HMMR: variants seen among roughly 807,000 people sequenced by gnomAD.
The protein encoded by HMMR is intracellular hyaluronic acid-binding protein.
In HMMR, 108 loss-of-function variants were observed where a neutral mutation model predicts 101.0. That is an observed-to-expected ratio of 1.07 (90% CI 0.92 to 1.25). The LOEUF (loss-of-function observed/expected upper bound fraction) is 1.25. Among genes scored for constraint, HMMR ranks in the 50% most tolerant of loss-of-function variants. HMMR has a pLI of 0.00. For missense variants in HMMR, 813 were observed against 788.7 expected (o/e 1.03, Z -0.37); for synonymous variants, 296 against 276.4 (o/e 1.07, Z -0.70).
At position 163,469,658 on chromosome 5, in the gene HMMR, G is replaced by T; in HGVS notation, c.291G>T (p.Gln97His). ...ILEKEIRVLL[Q>H]ERGAQDRRIQ... ...TTGTCCAGATTCGTGTTCTTCTACA[G>T]GAACGTGGTGCCCAGGACAGGCGGA... Residue 97 changes from glutamine (Q) to histidine (H), a missense_variant, in exon 5 of 18, where the codon CAG becomes CAT. By Grantham distance (24) the Gln-to-His change is conservative. Transcript: ENST00000393915. The T allele has an allele frequency of 6.2e-7, 1 of 1,612,630 alleles. No individual in the cohort carries two copies. Among genetic ancestry groups the T allele is most frequent in the Non-Finnish European group, 8.5e-7 (1 of 1,179,578 alleles).
intron 10 of HMMR, among the ~76,000 whole-genome samples, 166 bp downstream of exon 10, chr5:163,474,371 T>G (rs956867582): frequency 2.0e-5 from 3 of 152,050 alleles, no homozygotes; most frequent in Admixed American, 6.5e-5. Flanking sequence ...GCTACGTATT[T>G]TCACTACATG....
At position 163,483,008 on chromosome 5, in the gene HMMR, C is replaced by A; in HGVS notation, c.1533-12C>A. 6.4e-7 allele frequency: 1 copy of A among 1,574,134 alleles called. No individual in the cohort carries two copies. The highest frequency in any genetic ancestry group is 1.2e-5 in the South Asian group (1 of 83,544). ...TAAAATGTTTAGTGACCTCTTCTCT[C>A]TCAAACCAAAGGATGCTTCTAGATC... is the stretch of plus-strand genomic sequence containing the variant. On this transcript the variant is annotated splice_polypyrimidine_tract_variant and intron_variant, in intron 13 of 17. Coordinates refer to ENST00000393915, the MANE Select transcript of HMMR (RefSeq NM_001142556.2).
chr5:163,464,993 G>T, intron 3 of HMMR, 191 bp downstream of exon 3: 1 of 547,762 alleles, frequency 1.8e-6, no homozygotes, highest in Non-Finnish European at 3.2e-6. Flanking sequence ...GTTTAAATGT[G>T]CCCTTAGTTC....
intron 15 of HMMR, 131 bp downstream of exon 15, chr5:163,483,498 C>T (rs1759354482): frequency 5.5e-6 from 3 of 545,202 alleles, no homozygotes; most frequent in Non-Finnish European, 6.6e-6. Context: ...CAATTTAGCT[C>T]ACTATTAAAG....
In HMMR at chr5:163,478,687, G is replaced by T; in HGVS notation, c.1272G>T (p.Lys424Asn). 6.3e-7 allele frequency: 1 copy of T among 1,593,026 alleles called. No individual in the cohort carries two copies. Among genetic ancestry groups the T allele is most frequent in the Non-Finnish European group, 8.6e-7 (1 of 1,161,284 alleles). The change falls in exon 12 of 18, where the codon AAG becomes AAT. Residue 424 changes from lysine to asparagine, a missense_variant. Coordinates refer to ENST00000393915, the MANE Select transcript of HMMR (RefSeq NM_001142556.2). ...TTCAATTATTTCTTTTTCTTAGGAA[G>T]GAGGCTGAACTGGAGAAAAGTAGTG... ...LKLLEEKLKG[K>N]EAELEKSSAA...
intron 11 of HMMR, among the ~76,000 whole-genome samples, chr5:163,475,998 T>C (rs1054485107): frequency 2.6e-5 from 4 of 152,118 alleles, no homozygotes; most frequent in Non-Finnish European, 5.9e-5. Context: ...TGAAATTTAT[T>C]GAACATCAGC....
rs1180802537 is a variant in HMMR, at chr5:163,490,425, AAAAC to A, written c.2002_2005del (p.Gln668ValfsTer9). 32 of 1,593,976 alleles carry A rather than the reference AAAAC, an allele frequency of 2.0e-5. No individual in the cohort carries two copies. The highest frequency in any genetic ancestry group is 2.6e-5 in the Non-Finnish European group (30 of 1,172,892). The stretch of plus-strand genomic sequence containing the variant: ...AACTCCGCTGTCAGCTTGCTAAAAA[AAAAC>A]AAAGTGAGACAAAACTTCAAGAGGA... On this transcript the variant is annotated frameshift_variant, in exon 17 of 18. Transcript: ENST00000393915. LOFTEE classifies it high-confidence loss of function.
intron 2 of HMMR, 96 bp from the exon 3 acceptor site, chr5:163,464,626 CA>C (rs1758641706): frequency 1.4e-5 from 12 of 838,352 alleles, no homozygotes; most frequent in Middle Eastern, 3.4e-4. Flanking sequence ...CAAAAACAAA[CA>C]AAAAGAGAAA....
At chr5:163,485,411 C>T (rs1390296325) in intron 16 of HMMR, among the ~76,000 whole-genome samples, 1 of 152,160 alleles carries the variant, frequency 6.6e-6, no homozygotes, top group African/African-American at 2.4e-5. Context: ...ACTTAACTTG[C>T]ATTTTCTTAA....
intron 1 of HMMR, 137 bp downstream of exon 1, chr5:163,460,875 A>T (rs753086770): frequency 2.7e-6 from 2 of 740,388 alleles, no homozygotes; most frequent in Non-Finnish European, 2.4e-6. Context: ...ATTTTTCTCA[A>T]ATATGCTCTA....
At position 163,471,364 on chromosome 5, in the gene HMMR, G is replaced by A; in HGVS notation, c.551G>A (p.Gly184Asp). Residue 184 changes from glycine to aspartate, a missense_variant and splice_region_variant, in exon 7 of 18, where the codon GGT becomes GAT. Physicochemically the swap from Gly to Asp is moderately conservative, Grantham distance 94 (BLOSUM62 -1). Transcript: ENST00000393915. ...AAAACAGGTATCTTTGTTGTGTAGG[G>A]TATGATGGCTAAGCAAGAAGGCATG... ...LRNKRETKMR[G>D]MMAKQEGMEM... 6.2e-7 allele frequency: 1 copy of A among 1,613,832 alleles called. No individual in the cohort carries two copies. Among genetic ancestry groups the A allele is most frequent in the Non-Finnish European group, 8.5e-7 (1 of 1,179,778 alleles).
At chr5:163,469,497 A>AAT in intron 4 of HMMR, 144 bp from the exon 5 acceptor site, 1 of 643,444 alleles carries the variant, frequency 1.6e-6, no homozygotes, top group Middle Eastern at 3.0e-4. Flanking sequence ...TGATTATTCA[A>AAT]ATAGCTAGTA....
chr5:163,484,202 A>T lies in HMMR; in HGVS notation c.1919A>T (p.Lys640Met). The T allele has an allele frequency of 1.2e-6, 2 of 1,603,972 alleles. No individual in the cohort carries two copies. The highest frequency in any genetic ancestry group is 1.7e-6 in the Non-Finnish European group (2 of 1,175,888). ...CATCAGAATTTGAAACAAAAAATCAAGCATGTTGTGAAGTTGAAAGATGAA... is the reference window on the plus strand; with the variant it reads ...CATCAGAATTTGAAACAAAAAATCATGCATGTTGTGAAGTTGAAAGATGAA... ...LGHQNLKQKI[K>M]HVVKLKDENS... Residue 640 changes from lysine to methionine, a missense_variant, in exon 16 of 18, where the codon AAG becomes ATG. By Grantham distance (95) the Lys-to-Met change is moderately conservative (BLOSUM62 -1). Coordinates refer to ENST00000393915, the MANE Select transcript of HMMR (RefSeq NM_001142556.2).
At chr5:163,487,687 G>A (rs772672820) in intron 16 of HMMR, among the ~76,000 whole-genome samples, 7 of 151,464 alleles carry the variant, frequency 4.6e-5, no homozygotes, top group Non-Finnish European at 1.0e-4. Flanking sequence ...TGCCTAATTT[G>A]TTGGTATATA....
chr5:163,475,387 T>A (rs1033100503), intron 10 of HMMR, 71 bp from the exon 11 acceptor site: 4 of 783,352 alleles, frequency 5.1e-6, no homozygotes, highest in African/African-American at 3.5e-5. Flanking sequence ...TATCTGTACT[T>A]TTTTTTGTCT....
intron 4 of HMMR, 122 bp from the exon 5 acceptor site, chr5:163,469,519 T>A: frequency 1.4e-6 from 1 of 734,702 alleles, no homozygotes; most frequent in East Asian, 2.5e-5. Flanking sequence ...CATTAGAATA[T>A]CTACAAGCAT....
At chr5:163,478,175 C>T (rs1363250046) in intron 11 of HMMR, among the ~76,000 whole-genome samples, 2 of 152,072 alleles carry the variant, frequency 1.3e-5, no homozygotes, top group African/African-American at 2.4e-5. Context: ...TCTGTCTATG[C>T]AAAATAATCC....
chr5:163,468,567 A>G (rs299285), intron 4 of HMMR, among the ~76,000 whole-genome samples: 57,024 of 152,062 alleles, frequency 0.38, 11,442 homozygotes, highest in East Asian at 0.55. Context: ...GTTGGCTTTC[A>G]ACCAAGAGTA....
In HMMR at chr5:163,460,632, A is replaced by G; in HGVS notation, c.-61A>G. 3.4e-6 allele frequency: 5 copies of G among 1,485,846 alleles called. No individual in the cohort carries two copies. The highest frequency in any genetic ancestry group is 4.6e-6 in the Non-Finnish European group (5 of 1,081,716). The allele number at this position is 1,485,846 out of a possible 1,614,324, so 92.0% of individuals were successfully genotyped here. ...GAATTTGAAACCGGTAGGGAGTGAT[A>G]ATCCGCATTCAGTTGTCGAGGAGTG... is the stretch of plus-strand genomic sequence containing the variant. On this transcript the variant is annotated 5_prime_UTR_variant, in exon 1 of 18. Coordinates refer to ENST00000393915, the MANE Select transcript of HMMR (RefSeq NM_001142556.2).
Sources: gnomAD v4.1 joint callset for allele counts (sites outside exome capture counted in the v4.1 genomes callset) on GRCh38, gnomAD v4.1.1 for gene constraint, MANE v1.5 for transcripts, NCBI Gene and HGNC (gene_info 2026-07-23, HGNC 2026-07-21) for gene names.